MORN1: variants seen among roughly 807,000 people sequenced by gnomAD.
The protein encoded by MORN1 is MORN repeat containing 1.
In MORN1, 67 loss-of-function variants were observed where a neutral mutation model predicts 61.9. The ratio of observed to expected loss-of-function variants is 1.08; its 90% CI spans 0.89 to 1.33. The LOEUF is 1.33. MORN1 is among the 40% of genes most tolerant of loss of function. The pLI is 0.00. For missense variants in MORN1, 752 were observed against 691.2 expected (o/e 1.09, Z -0.99); for synonymous variants, 301 against 292.0 (o/e 1.03, Z -0.31).
At chr1:2,322,332 TCA>T (rs1460408732) in intron 13 of MORN1, 1 of 985,216 alleles carries the variant, frequency 1.0e-6, no homozygotes, top group African/African-American at 1.7e-5. Flanking sequence ...TGGCCCGGGC[TCA>T]CACCAGGAAT....
intron 4 of MORN1, chr1:2,387,189 G>A (rs893717595): frequency 3.6e-5 from 21 of 575,898 alleles, no homozygotes; most frequent in Non-Finnish European, 5.6e-5. Flanking sequence ...CCGCGGTAGC[G>A]GATGACAGAG....
intron 13 of MORN1, chr1:2,322,486 TC>T (rs1451339605): frequency 2.0e-6 from 2 of 985,022 alleles, no homozygotes; most frequent in Non-Finnish European, 2.4e-6. Flanking sequence ...GCCTGTGCGT[TC>T]CCAGGGCTGG....
rs576377597 is a variant in MORN1 at position 2,362,978 on chromosome 1, G to A, written c.746-4263C>T. On this transcript the variant is annotated intron_variant, in intron 8 of 13. Coordinates refer to ENST00000378531, the MANE Select transcript of MORN1 (RefSeq NM_024848.3). The stretch of plus-strand genomic sequence containing the variant: ...TAAAGATTAAGTCCTTCAGGCAGAG[G>A]AAAATGAGAGCAGATGGAAATATGG... The A allele has an allele frequency of 2.6e-5, 4 of 152,314 alleles. No individual in the cohort carries two copies. In the East Asian group the frequency reaches 7.7e-4, roughly 29 times the overall value. The allele number at this position is 152,314 out of a possible 1,614,324, so 9.4% of individuals were successfully genotyped here. A position where few individuals can be genotyped will look rare whatever the true frequency, so the allele number is the denominator to read the frequency against.
chr1:2,388,940 C>T (rs1642573156), intron 2 of MORN1, among the ~76,000 whole-genome samples: 1 of 151,764 alleles, frequency 6.6e-6, no homozygotes, highest in African/African-American at 2.4e-5. Flanking sequence ...GGCAAAACTG[C>T]ATCTCTACTA....
At chr1:2,325,105 TTTCCTTCCC>T (rs1232980754) in intron 12 of MORN1, among the ~76,000 whole-genome samples, 1 of 35,244 alleles carries the variant, frequency 2.8e-5, no homozygotes, top group Non-Finnish European at 5.5e-5. Context: ...TTCTCTCCCC[TTTCCTTCCC>T]TTCCTTCCCT....
intron 10 of MORN1, chr1:2,352,700 G>A (rs1409001135): frequency 6.6e-6 from 1 of 152,316 alleles, no homozygotes; most frequent in East Asian, 1.9e-4. Flanking sequence ...GGATGTGCAT[G>A]TCTCAGCCAC....
chr1:2,332,774 C>T (rs1394700050), intron 12 of MORN1: 1 of 455,942 alleles, frequency 2.2e-6, no homozygotes, highest in East Asian at 7.0e-5. Flanking sequence ...TGAAAACCTC[C>T]ATGAGTGAGT....
intron 6 of MORN1, among the ~76,000 whole-genome samples, chr1:2,382,958 C>T (rs1316224822): frequency 6.6e-6 from 1 of 152,146 alleles, no homozygotes; most frequent in Non-Finnish European, 1.5e-5. Context: ...GGGAGCCACA[C>T]TGCACCTCCC....
At chr1:2,339,733 G>A (rs752820235) in intron 10 of MORN1, among the ~76,000 whole-genome samples, 23 of 152,048 alleles carry the variant, frequency 1.5e-4, no homozygotes, top group Non-Finnish European at 3.4e-4. Flanking sequence ...TTGTTTACAC[G>A]GGACCCTCAC....
chr1:2,384,348 T>G (rs1198213586), intron 6 of MORN1, among the ~76,000 whole-genome samples: 2 of 152,220 alleles, frequency 1.3e-5, no homozygotes, highest in African/African-American at 4.8e-5. Flanking sequence ...ACGGGGCCGC[T>G]GCCCCATTCG....
chr1:2,360,239 G>A (rs1040924999), intron 8 of MORN1, among the ~76,000 whole-genome samples: 5 of 152,182 alleles, frequency 3.3e-5, no homozygotes, highest in African/African-American at 1.2e-4. Flanking sequence ...AAGGAGACAC[G>A]ATTGGGAAAG....
At chr1:2,374,400 G>A in intron 7 of MORN1, 61 bp downstream of exon 7, 1 of 1,454,304 alleles carries the variant, frequency 6.9e-7, no homozygotes, top group South Asian at 1.2e-5. Flanking sequence ...GGCTGCCCGG[G>A]GGCCAGGGAC....
Position 2,379,906 on chromosome 1 carries a change from G to A in MORN1, c.537+5072C>T, listed in dbSNP as rs564510039. Among the ~76,000 whole-genome samples, 10 of 152,334 alleles carry A rather than the reference G, an allele frequency of 6.6e-5. No individual in the cohort carries two copies. The South Asian group carries it at 8.3e-4, about 13-fold the overall frequency. ...CACCTCTGGGGCTGTGGCCCACAGG[G>A]CCTTGAAGAGTTCTCTGTGCAGCCG... On this transcript the variant is annotated intron_variant, in intron 6 of 13. Coordinates refer to ENST00000378531, the MANE Select transcript of MORN1 (RefSeq NM_024848.3).
chr1:2,355,371 G>A (rs1343034588), intron 10 of MORN1: 6 of 1,539,146 alleles, frequency 3.9e-6, no homozygotes, highest in South Asian at 2.4e-5. Flanking sequence ...ATGCCTGCAT[G>A]CTCTTTTATA....
At chr1:2,323,497 C>T in intron 13 of MORN1, 4 of 985,414 alleles carry the variant, frequency 4.1e-6, no homozygotes, top group South Asian at 9.4e-5. Context: ...GGGGTCCGAG[C>T]CTTTGTGTAG....
chr1:2,372,595 G>A lies in MORN1; in HGVS notation c.635-4C>T, dbSNP rs1291773930. ...ATCACGATCCTCGTAGCTTGTTCTG[G>A]GAGAGGACAGAGTGTGGCTTTAGCG... is the stretch of plus-strand genomic sequence containing the variant. On this transcript the variant is annotated splice_region_variant and splice_polypyrimidine_tract_variant and intron_variant, in intron 7 of 13. Transcript: ENST00000378531. The surrounding 1 kb of genome is among the most constrained non-coding windows in gnomAD (Gnocchi z 5.4). The A allele has an allele frequency of 1.2e-6, 2 of 1,611,268 alleles. No homozygotes were observed.
chr1:2,336,767 G>T lies in MORN1; in HGVS notation c.1120C>A (p.Pro374Thr). The T allele has an allele frequency of 6.2e-7, 1 of 1,603,542 alleles. No homozygotes were observed. The highest frequency in any genetic ancestry group is 8.5e-7 in the Non-Finnish European group (1 of 1,175,424). Residue 374 changes from proline (P) to threonine (T), a missense_variant, in exon 11 of 14, where the codon CCG becomes ACG. By Grantham distance (38) the Pro-to-Thr change is conservative. Transcript: ENST00000378531. ...AAGGGGTGGTACCCAGGCGGGGGCGGCCCCAGGAGGACATCTGTGAACTCG... is the reference window on the plus strand; with the variant it reads ...AAGGGGTGGTACCCAGGCGGGGGCGTCCCCAGGAGGACATCTGTGAACTCG... ...CAEFTDVLLG[P>T]PPPGYHPFLF...
chr1:2,378,196 C>T (rs1340152179), intron 6 of MORN1: 1 of 152,432 alleles, frequency 6.6e-6, no homozygotes, highest in African/African-American at 2.4e-5. Context: ...GGGGCCTGCC[C>T]TAGTGTAACC....
chr1:2,342,853 T>TTTTA (rs1272828215), intron 10 of MORN1, among the ~76,000 whole-genome samples: 1 of 104,390 alleles, frequency 9.6e-6, no homozygotes, highest in Non-Finnish European at 2.0e-5. Flanking sequence ...TTTTATTTTA[T>TTTTA]TTTATTTTAT....
Sources: allele counts gnomAD v4.1 joint callset (sites outside exome capture counted in the v4.1 genomes callset), GRCh38; gene constraint gnomAD v4.1.1; non-coding constraint Gnocchi (gnomAD v3.1); transcripts MANE v1.5; gene names NCBI Gene and HGNC (gene_info 2026-07-23, HGNC 2026-07-21).